Variants in SNAP91 observed in about 807,000 individuals in gnomAD.
SNAP91 encodes clathrin coat assembly protein AP180.
A neutral mutation model predicts 100.3 loss-of-function variants in SNAP91; 27 were observed. The observed-to-expected ratio is 0.27, with a 90% CI of 0.20 to 0.37. SNAP91 has a LOEUF of 0.37. Ranked by LOEUF, SNAP91 falls within the 10% of genes least tolerant of loss-of-function variation. The pLI is 1.00. For missense variants in SNAP91, 986 were observed against 1,123.7 expected (o/e 0.88, Z 1.75); for synonymous variants, 404 against 398.6 (o/e 1.01, Z -0.16).
intron 26 of SNAP91, among the ~76,000 whole-genome samples, chr6:83,563,355 C>T (rs956105802): frequency 3.9e-5 from 6 of 151,940 alleles, no homozygotes; most frequent in African/African-American, 7.3e-5. Flanking sequence ...AAATACTCAA[C>T]GAACTAGAAA....
intron 12 of SNAP91, among the ~76,000 whole-genome samples, chr6:83,608,911 A>G (rs2095817812): frequency 6.6e-6 from 1 of 152,192 alleles, no homozygotes; most frequent in African/African-American, 2.4e-5. Flanking sequence ...CAAAAATTCA[A>G]ATCTTCCAAA....
chr6:83,562,426 A>G (rs1329764181), intron 26 of SNAP91, among the ~76,000 whole-genome samples: 2 of 152,234 alleles, frequency 1.3e-5, no homozygotes, highest in African/African-American at 2.4e-5. Context: ...AAAGAAAAAA[A>G]TTACATGATT....
At position 83,672,169 on chromosome 6, in the gene SNAP91, C is replaced by T. The variant is rs139147100; in HGVS notation, c.131-6588G>A. Among the ~76,000 whole-genome samples, 9 of 152,238 alleles carry T rather than the reference C, an allele frequency of 5.9e-5. No individual in the cohort carries two copies. In the East Asian group the frequency reaches 1.7e-3, roughly 29 times the overall value. On this transcript the variant is annotated intron_variant, in intron 2 of 29. Coordinates refer to ENST00000369694, the MANE Select transcript of SNAP91 (RefSeq NM_001242792.2). ...AATTATGATACCTTTACGTGCTATT[C>T]TCATTGCCTAGAACGTCTCTGCCTT...
chr6:83,555,989 G>T (rs633554), intron 29 of SNAP91, among the ~76,000 whole-genome samples, 154 bp downstream of exon 29: 116,463 of 151,984 alleles, frequency 0.77, 44,942 homozygotes, highest in East Asian at 0.88. Context: ...CTCTTAAAGA[G>T]AGCTTTTAAT....
rs150161241 is a variant in SNAP91, at chr6:83,670,974, T to C, written c.131-5393A>G. ...GTTTATTATATTTTGTTCAAAATGG[T>C]TTGTGGCTTTTTTAGGTCCTTTGTA... On this transcript the variant is annotated intron_variant, in intron 2 of 29. Coordinates refer to ENST00000369694, the MANE Select transcript of SNAP91 (RefSeq NM_001242792.2). Among the ~76,000 whole-genome samples, 25 of 152,098 alleles carry C rather than the reference T, an allele frequency of 1.6e-4. No individual in the cohort carries two copies. The East Asian group carries it at 4.8e-3, about 29-fold the overall frequency.
At chr6:83,612,733 A>T (rs2096220277) in intron 11 of SNAP91, among the ~76,000 whole-genome samples, 1 of 151,994 alleles carries the variant, frequency 6.6e-6, no homozygotes, top group Admixed American at 6.5e-5. Context: ...AAAAAATAAA[A>T]AATAAAAATT....
At chr6:83,559,663 A>C (rs1203837298) in intron 28 of SNAP91, among the ~76,000 whole-genome samples, 2 of 150,650 alleles carry the variant, frequency 1.3e-5, no homozygotes, top group Non-Finnish European at 3.0e-5. Context: ...GAGATTCTAA[A>C]AGGGAGTATT....
intron 2 of SNAP91, among the ~76,000 whole-genome samples, chr6:83,670,817 TC>T (rs1401223019): frequency 6.6e-6 from 1 of 150,462 alleles, no homozygotes. Context: ...GGACCACAAA[TC>T]TTTGAGTCTC....
At chr6:83,566,426 T>A (rs1019555387) in intron 26 of SNAP91, among the ~76,000 whole-genome samples, 2 of 152,168 alleles carry the variant, frequency 1.3e-5, no homozygotes, top group East Asian at 3.8e-4. Flanking sequence ...ATATTAATGC[T>A]TTACCCATCA....
chr6:83,658,138 G>A (rs1178877608), intron 6 of SNAP91, among the ~76,000 whole-genome samples: 1 of 151,968 alleles, frequency 6.6e-6, no homozygotes, highest in Non-Finnish European at 1.5e-5. Flanking sequence ...ACATGCAGGT[G>A]TAAGAAGGAA....
intron 7 of SNAP91, among the ~76,000 whole-genome samples, chr6:83,646,946 T>C (rs2097943637): frequency 6.6e-6 from 1 of 152,192 alleles, no homozygotes; most frequent in South Asian, 2.1e-4. Flanking sequence ...TAGGGAGTGC[T>C]GATGTTAATG....
chr6:83,689,133 C>T (rs904816700), intron 2 of SNAP91, among the ~76,000 whole-genome samples: 2 of 152,130 alleles, frequency 1.3e-5, no homozygotes, highest in Non-Finnish European at 2.9e-5. Context: ...AAACCTTCTG[C>T]TATCCCATCT....
rs992174945 is a variant in SNAP91, at chr6:83,607,795, G to A, written c.926C>T (p.Thr309Ile). 5 of 1,584,436 alleles carry A rather than the reference G, an allele frequency of 3.2e-6. No homozygotes were observed. Among genetic ancestry groups the A allele is most frequent in the Non-Finnish European group, 3.4e-6 (4 of 1,164,772 alleles). The change falls in exon 13 of 30, where the codon ACA becomes ATA. Residue 309 changes from threonine (T) to isoleucine (I), a missense_variant. Thr to Ile is a moderately conservative substitution (Grantham distance 89). This residue lies in a region of SNAP91 where 330 missense variants were observed against 447.5 expected (regional missense o/e 0.74). Coordinates refer to ENST00000369694, the MANE Select transcript of SNAP91 (RefSeq NM_001242792.2). Reference protein sequence around the residue: ...PSPLSKSSPATTVTSPNSTPA... With the variant: ...PSPLSKSSPAITVTSPNSTPA... Reference sequence around the variant, plus strand: ...TGTAGAATTAGGAGACGTAACAGTTGTGGCTGGAGAAGACTGAAAGTGAAG... The same window carrying A: ...TGTAGAATTAGGAGACGTAACAGTTATGGCTGGAGAAGACTGAAAGTGAAG...
intron 2 of SNAP91, among the ~76,000 whole-genome samples, chr6:83,676,279 T>C (rs1007599114): frequency 2.0e-5 from 3 of 152,014 alleles, no homozygotes; most frequent in Non-Finnish European, 4.4e-5. Context: ...CACATTCTAA[T>C]GGAGGAAACA....
At chr6:83,692,705 G>T (rs2099147076) in intron 2 of SNAP91, among the ~76,000 whole-genome samples, 1 of 151,992 alleles carries the variant, frequency 6.6e-6, no homozygotes, top group African/African-American at 2.4e-5. Context: ...CCACCCCCAA[G>T]GTCCTTAATT....
chr6:83,618,776 A>G (rs2096598568), intron 9 of SNAP91, among the ~76,000 whole-genome samples: 1 of 151,904 alleles, frequency 6.6e-6, no homozygotes, highest in Non-Finnish European at 1.5e-5. Context: ...TTGGGATCGC[A>G]GTAAGGAAAA....
At chr6:83,707,672 C>T (rs2099398803) in intron 2 of SNAP91, 126 bp downstream of exon 2, 3 of 1,313,800 alleles carry the variant, frequency 2.3e-6, no homozygotes, top group African/African-American at 3.1e-5. Context: ...AGAATTTCAG[C>T]TCAGGGGCAA....
intron 11 of SNAP91, 65 bp from the exon 12 acceptor site, chr6:83,610,742 T>A (rs1048310917): frequency 2.0e-4 from 31 of 155,082 alleles, no homozygotes; most frequent in South Asian, 8.3e-4. Context: ...TATATATATA[T>A]ATATAAATAT....
intron 16 of SNAP91, among the ~76,000 whole-genome samples, chr6:83,596,103 G>T (rs2094446677): frequency 6.6e-6 from 1 of 152,140 alleles, no homozygotes; most frequent in South Asian, 2.1e-4. Flanking sequence ...TGCCCAGGCT[G>T]GAGTGCAGTG....
Sources: gnomAD v4.1 joint callset for allele counts (sites outside exome capture counted in the v4.1 genomes callset) on GRCh38, gnomAD v4.1.1 for gene constraint, gnomAD v4.1.1 regional missense constraint, MANE v1.5 for transcripts, NCBI Gene and HGNC (gene_info 2026-07-23, HGNC 2026-07-21) for gene names.